Variants in SEZ6L observed in about 807,000 individuals in gnomAD.
SEZ6L encodes seizure related 6 homolog like.
A neutral mutation model predicts 106.2 loss-of-function variants in SEZ6L; 37 were observed. The observed-to-expected ratio is 0.35, with a 90% confidence interval of 0.27 to 0.46. SEZ6L has a LOEUF of 0.46. SEZ6L is among the 20% of genes least tolerant of loss of function. SEZ6L has a pLI of 1.00. For missense variants in SEZ6L, 1,172 were observed against 1,332.8 expected (o/e 0.88, Z 1.88); for synonymous variants, 541 against 570.4 (o/e 0.95, Z 0.73).
Position 26,276,544 on chromosome 22 carries a change from A to C in SEZ6L, c.95-15862A>C, listed in dbSNP as rs590131. Among the ~76,000 whole-genome samples, 26 of 152,226 alleles carry C rather than the reference A, an allele frequency of 1.7e-4. 1 individual carries two copies. The highest frequency in any genetic ancestry group is 3.4e-3 in the Middle Eastern group (1 of 294). ...ACTGGATTCATTTCCAAGTATTATA[A>C]TTCTCTACATAGGTAATTGAAGTAT... On this transcript the variant is annotated intron_variant, in intron 1 of 16. Transcript: ENST00000248933.
At chr22:26,336,928 G>GTGA (rs1246055728) in intron 9 of SEZ6L, among the ~76,000 whole-genome samples, 4 of 152,238 alleles carry the variant, frequency 2.6e-5, no homozygotes, top group Non-Finnish European at 4.4e-5. Flanking sequence ...GATGATGGTG[G>GTGA]TGATGATGAT....
intron 1 of SEZ6L, among the ~76,000 whole-genome samples, chr22:26,252,989 A>G (rs2079655574): frequency 6.6e-6 from 1 of 152,208 alleles, no homozygotes; most frequent in Admixed American, 6.5e-5. Flanking sequence ...TTCAACAAAG[A>G]GTAATATTAA....
chr22:26,315,577 G>A (rs549564451), intron 9 of SEZ6L, among the ~76,000 whole-genome samples: 3 of 152,142 alleles, frequency 2.0e-5, no homozygotes, highest in Non-Finnish European at 4.4e-5. Context: ...TGTGGACTTG[G>A]GGCCAGGCCA....
At chr22:26,258,087 C>T (rs5761454) in intron 1 of SEZ6L, among the ~76,000 whole-genome samples, 22,989 of 152,068 alleles carry the variant, frequency 0.15, 2,350 homozygotes, top group East Asian at 0.35. Flanking sequence ...TCTAACTAAA[C>T]AGTCTTTTGT....
chr22:26,297,061 C>A lies in SEZ6L; in HGVS notation c.1143C>A (p.Thr381=), dbSNP rs775641114. 1 of 1,612,798 alleles carries A rather than the reference C, an allele frequency of 6.2e-7. No homozygotes were observed. Among genetic ancestry groups the A allele is most frequent in the Non-Finnish European group, 8.5e-7 (1 of 1,179,378 alleles). Residue 381 remains threonine, a synonymous_variant, in exon 4 of 17, where the codon ACC becomes ACA. Coordinates refer to ENST00000248933, the MANE Select transcript of SEZ6L (RefSeq NM_021115.5). ...CCTTCCAGGACGACGGCCTTGGGAC[C>A]TTCCAGCTTCACTACCAGGGTAGGG... is the stretch of plus-strand genomic sequence containing the variant. ...FRTFQDDGLG[T]FQLHYQAFML...
intron 1 of SEZ6L, among the ~76,000 whole-genome samples, chr22:26,290,479 C>A (rs1324360171): frequency 6.6e-6 from 1 of 152,152 alleles, no homozygotes; most frequent in East Asian, 1.9e-4. Flanking sequence ...TTGCAGTGAG[C>A]CGAGATCGCG....
chr22:26,290,456 C>T (rs907272543), intron 1 of SEZ6L, among the ~76,000 whole-genome samples: 7 of 152,134 alleles, frequency 4.6e-5, no homozygotes, highest in African/African-American at 1.4e-4. Flanking sequence ...GGCGTGAACC[C>T]GGGAGGCGGA....
chr22:26,287,255 C>T (rs963789584), intron 1 of SEZ6L, among the ~76,000 whole-genome samples: 9 of 152,132 alleles, frequency 5.9e-5, no homozygotes, highest in Admixed American at 3.9e-4. Flanking sequence ...TTAAGGAAAG[C>T]TCCATCTCTT....
chr22:26,322,266 A>T (rs2082175251), intron 9 of SEZ6L, among the ~76,000 whole-genome samples: 1 of 152,198 alleles, frequency 6.6e-6, no homozygotes, highest in South Asian at 2.1e-4. Context: ...CAGAGAGGTT[A>T]CGTGGTTTCC....
intron 1 of SEZ6L, among the ~76,000 whole-genome samples, chr22:26,257,768 C>T (rs1214548374): frequency 6.6e-6 from 1 of 152,128 alleles, no homozygotes; most frequent in Non-Finnish European, 1.5e-5. Flanking sequence ...CAGGTGTCTG[C>T]CGCTCACCGA....
At chr22:26,348,710 G>GAAAGGAA (rs1569473878) in intron 11 of SEZ6L, among the ~76,000 whole-genome samples, 2 of 74,508 alleles carry the variant, frequency 2.7e-5, no homozygotes, top group Non-Finnish European at 5.3e-5. Flanking sequence ...AAGAAGGCAA[G>GAAAGGAA]GGAGGGAAGG....
Position 26,297,049 on chromosome 22 carries a change from C to A in SEZ6L, c.1131C>A (p.Asp377Glu). The change falls in exon 4 of 17, where the codon GAC becomes GAA. Residue 377 changes from aspartate to glutamate, a missense_variant. Physicochemically the swap from Asp to Glu is conservative, Grantham distance 45 (BLOSUM62 2). Around this residue, in one of 4 missense-constraint regions of SEZ6L, gnomAD observed 534 missense variants for 691.0 expected, o/e 0.77. Coordinates refer to ENST00000248933, the MANE Select transcript of SEZ6L (RefSeq NM_021115.5). ...ISVYFRTFQD[D>E]GLGTFQLHYQ... ...TCTACTTCCGGACCTTCCAGGACGA[C>A]GGCCTTGGGACCTTCCAGCTTCACT... 1 of 1,613,534 alleles carries A rather than the reference C, an allele frequency of 6.2e-7. No homozygotes were observed. Among genetic ancestry groups the A allele is most frequent in the Non-Finnish European group, 8.5e-7 (1 of 1,179,682 alleles).
chr22:26,192,093 C>T (rs897837901), intron 1 of SEZ6L, among the ~76,000 whole-genome samples: 4 of 152,196 alleles, frequency 2.6e-5, no homozygotes, highest in African/African-American at 9.7e-5. Context: ...CCTCTTCATC[C>T]ATCCAACCGT....
At chr22:26,356,607 A>ATGT (rs1039698265) in intron 12 of SEZ6L, among the ~76,000 whole-genome samples, 60 of 151,676 alleles carry the variant, frequency 4.0e-4, no homozygotes, top group African/African-American at 1.4e-3. Context: ...ATGCCACTGC[A>ATGT]CTCCAGGCTG....
At chr22:26,328,700 G>A (rs1267243430) in intron 9 of SEZ6L, among the ~76,000 whole-genome samples, 5 of 152,176 alleles carry the variant, frequency 3.3e-5, no homozygotes, top group Admixed American at 1.3e-4. Context: ...CCAGGGGGAC[G>A]GCAGGCCGAG....
intron 1 of SEZ6L, among the ~76,000 whole-genome samples, chr22:26,239,017 G>A (rs1394855087): frequency 6.6e-6 from 1 of 152,212 alleles, no homozygotes; most frequent in East Asian, 1.9e-4. Flanking sequence ...GAGGCCAGGA[G>A]TTCAAGACTA....
At chr22:26,333,255 G>C (rs571380161) in intron 9 of SEZ6L, among the ~76,000 whole-genome samples, 1 of 152,364 alleles carries the variant, frequency 6.6e-6, no homozygotes, top group Admixed American at 6.5e-5. Flanking sequence ...CAGCGGGTTG[G>C]CTTTGGAGTG....
intron 1 of SEZ6L, among the ~76,000 whole-genome samples, chr22:26,254,346 AGAG>A (rs1174755585): frequency 2.0e-5 from 3 of 152,086 alleles, no homozygotes; most frequent in African/African-American, 4.8e-5. Flanking sequence ...AGAAAAAGGA[AGAG>A]GAGAAGTGAG....
intron 1 of SEZ6L, among the ~76,000 whole-genome samples, chr22:26,185,764 A>G (rs1939733820): frequency 6.6e-6 from 1 of 152,042 alleles, no homozygotes; most frequent in Admixed American, 6.6e-5. Flanking sequence ...GGGGCCTGAT[A>G]CTTCCATTTT....
Sources: gnomAD v4.1 joint callset for allele counts (sites outside exome capture counted in the v4.1 genomes callset) on GRCh38, gnomAD v4.1.1 for gene constraint, gnomAD v4.1.1 regional missense constraint, MANE v1.5 for transcripts, NCBI Gene and HGNC (gene_info 2026-07-23, HGNC 2026-07-21) for gene names.